Variants in ZRSR2 observed in about 807,000 individuals in gnomAD.
ZRSR2 encodes the protein U2 small nuclear ribonucleoprotein auxiliary factor 35 kDa subunit-related protein 2.
A neutral mutation model predicts 39.4 loss-of-function variants in ZRSR2; 3 were observed. The ratio of observed to expected loss-of-function variants is 0.08; its 90% CI spans 0.03 to 0.20. The LOEUF (loss-of-function observed/expected upper bound fraction) is 0.20, where lower values mean the gene tolerates loss of function less well. Ranked by LOEUF, ZRSR2 falls within the 10% of genes least tolerant of loss-of-function variation. The pLI, the probability that ZRSR2 is intolerant of heterozygous loss-of-function variation, is 1.00. For missense variants in ZRSR2, 256 were observed against 391.5 expected (o/e 0.65, Z 2.92); for synonymous variants, 137 against 136.0 (o/e 1.01, Z -0.05).
chrX:15,815,292 T>G (rs900101263), intron 7 of ZRSR2, among the ~76,000 whole-genome samples: 1 of 112,271 alleles, frequency 8.9e-6, no homozygotes, highest in Non-Finnish European at 1.9e-5. Context: ...AAAGCAAGTG[T>G]TTTTTTGTTT....
chrX:15,799,416 C>T (rs1485271246), intron 2 of ZRSR2, among the ~76,000 whole-genome samples: 1 of 106,949 alleles, frequency 9.4e-6, no homozygotes, highest in Non-Finnish European at 1.9e-5. Flanking sequence ...TACCATTCTT[C>T]TGTGAAGATG....
At chrX:15,813,718 A>T (rs1387771317) in intron 7 of ZRSR2, among the ~76,000 whole-genome samples, 1 of 112,035 alleles carries the variant, frequency 8.9e-6, no homozygotes, top group Non-Finnish European at 1.9e-5. Context: ...CATGCTTCAT[A>T]CTTATAACAT....
chrX:15,809,455 C>T (rs1458422862), intron 7 of ZRSR2, 137 bp downstream of exon 7: 9 of 484,289 alleles, frequency 1.9e-5, no homozygotes, highest in Non-Finnish European at 3.2e-5. Context: ...TGCTGCTGCT[C>T]TCGTTTTCCC....
intron 7 of ZRSR2, 28 bp downstream of exon 7, chrX:15,809,346 A>T: frequency 9.5e-7 from 1 of 1,051,485 alleles, no homozygotes; most frequent in South Asian, 1.9e-5. Context: ...ATCATGTCAG[A>T]ATGAAGTGAT....
chrX:15,795,667 G>A (rs1226186639), intron 2 of ZRSR2, among the ~76,000 whole-genome samples: 2 of 111,667 alleles, frequency 1.8e-5, no homozygotes, highest in Non-Finnish European at 3.8e-5. Context: ...GGGGTTAGCA[G>A]CTTTATAGAT....
In ZRSR2 at chrX:15,815,901, G is replaced by T. The variant is rs369781555; in HGVS notation, c.771+11G>T. The T allele has an allele frequency of 1.7e-6, 2 of 1,183,484 alleles. No homozygotes were observed. Among genetic ancestry groups the T allele is most frequent in the Non-Finnish European group, 2.3e-6 (2 of 877,845 alleles). On this transcript the variant is annotated intron_variant, in intron 8 of 10. Coordinates refer to ENST00000307771, the MANE Select transcript of ZRSR2 (RefSeq NM_005089.4). Reference sequence around the variant, plus strand: ...GTGATTCAGTTCAAGGTGGGCATGCGTGTGGAGGAGGGGACTGGTTTGCTT... The same window carrying T: ...GTGATTCAGTTCAAGGTGGGCATGCTTGTGGAGGAGGGGACTGGTTTGCTT...
At chrX:15,793,562 A>T (rs1359512985) in intron 2 of ZRSR2, among the ~76,000 whole-genome samples, 2 of 111,247 alleles carry the variant, frequency 1.8e-5, no homozygotes, top group Non-Finnish European at 3.8e-5. Flanking sequence ...TTTTTGAGAC[A>T]GAGTCTCACT....
At chrX:15,817,426 C>T (rs1042653592) in intron 8 of ZRSR2, among the ~76,000 whole-genome samples, 9 of 111,502 alleles carry the variant, frequency 8.1e-5, no homozygotes, top group African/African-American at 2.9e-4. Context: ...TGAACATAAA[C>T]GCTAAACACT....
At chrX:15,806,142 G>A (rs1356655558) in intron 5 of ZRSR2, among the ~76,000 whole-genome samples, 1 of 106,690 alleles carries the variant, frequency 9.4e-6, no homozygotes, top group East Asian at 2.9e-4. Flanking sequence ...GTCCAAAGGA[G>A]AGAAGGGCAG....
At chrX:15,796,697 T>C (rs1932472138) in intron 2 of ZRSR2, among the ~76,000 whole-genome samples, 1 of 110,846 alleles carries the variant, frequency 9.0e-6, no homozygotes, top group Non-Finnish European at 1.9e-5. Flanking sequence ...AGCACAACTT[T>C]TATAGTAATA....
At chrX:15,807,519 A>G (rs1346598605) in intron 5 of ZRSR2, among the ~76,000 whole-genome samples, 1 of 107,534 alleles carries the variant, frequency 9.3e-6, no homozygotes, top group Non-Finnish European at 1.9e-5. Context: ...AGAACTCCTG[A>G]CCTCAAGTGA....
intron 8 of ZRSR2, among the ~76,000 whole-genome samples, chrX:15,816,453 T>C (rs954162472): frequency 1.8e-5 from 2 of 112,172 alleles, no homozygotes; most frequent in African/African-American, 3.2e-5. Flanking sequence ...TTTTATTCAT[T>C]GGATTCTTTC....
chrX:15,795,088 TCCC>T (rs35705626), intron 2 of ZRSR2, among the ~76,000 whole-genome samples: 3 of 59,299 alleles, frequency 5.1e-5, no homozygotes, highest in South Asian at 1.1e-3. Flanking sequence ...CCTGCACTTT[TCCC>T]CCCCCCCCAT....
rs1408475944 is a variant in ZRSR2 at position 15,803,678 on chromosome X, A to G, written c.204-10A>G. The G allele has an allele frequency of 8.4e-7, 1 of 1,196,598 alleles. No homozygotes were observed. ...ATTTCTTTTATCTGATTACATCATTATACTGATAGGCAAAGATTACATGAG... is the reference window on the plus strand; with the variant it reads ...ATTTCTTTTATCTGATTACATCATTGTACTGATAGGCAAAGATTACATGAG... On this transcript the variant is annotated splice_polypyrimidine_tract_variant and intron_variant, in intron 3 of 10. Transcript: ENST00000307771.
chrX:15,794,376 C>A (rs1388913931), intron 2 of ZRSR2, among the ~76,000 whole-genome samples: 1 of 110,542 alleles, frequency 9.0e-6, no homozygotes, highest in Non-Finnish European at 1.9e-5. Flanking sequence ...ACTTTTCACT[C>A]CCCCAAAACT....
chrX:15,809,381 C>T, intron 7 of ZRSR2, 63 bp downstream of exon 7: 1 of 842,363 alleles, frequency 1.2e-6, no homozygotes, highest in Non-Finnish European at 1.8e-6. Context: ...TTTTTGAGTT[C>T]CCCTTTTGGG....
At position 15,804,415 on chromosome X, in the gene ZRSR2, T is replaced by C. The variant is rs1225931925; in HGVS notation, c.399+218T>C. 2.6e-4 allele frequency among the ~76,000 whole-genome samples: 29 copies of C among 111,817 alleles called. No homozygotes were observed. The Admixed American group carries it at 2.8e-3, about 11-fold the overall frequency. ...CTTAAAGTTTTCTTCAGCTTTACCC[T>C]ATTTACCCTTTATACTGGGCATTGG... On this transcript the variant is annotated intron_variant, in intron 5 of 10. Coordinates refer to ENST00000307771, the MANE Select transcript of ZRSR2 (RefSeq NM_005089.4).
intron 2 of ZRSR2, among the ~76,000 whole-genome samples, chrX:15,796,037 T>A (rs755170776): frequency 1.8e-5 from 2 of 109,097 alleles, no homozygotes; most frequent in African/African-American, 6.6e-5. Flanking sequence ...TGTTTTTTGT[T>A]TTTTTTTTTG....
At chrX:15,809,879 G>A (rs2147285732) in intron 7 of ZRSR2, among the ~76,000 whole-genome samples, 1 of 112,079 alleles carries the variant, frequency 8.9e-6, no homozygotes, top group South Asian at 3.7e-4. Context: ...ATCCAAATGA[G>A]GAGAGGAAAA....
Sources: gnomAD v4.1 joint callset for allele counts (sites outside exome capture counted in the v4.1 genomes callset) on GRCh38, gnomAD v4.1.1 for gene constraint, MANE v1.5 for transcripts, NCBI Gene and HGNC (gene_info 2026-07-23, HGNC 2026-07-21) for gene names.